Variants in LTBP1 observed in about 807,000 individuals in gnomAD.
LTBP1 encodes latent transforming growth factor beta binding protein 1.
LTBP1 carries 129 observed loss-of-function variants against 207.6 expected under a neutral mutation model. That is an observed-to-expected ratio of 0.62 (90% CI 0.54 to 0.72). The LOEUF (loss-of-function observed/expected upper bound fraction) is 0.72, where lower values mean the gene tolerates loss of function less well. Ranked by LOEUF, LTBP1 falls within the 30% of genes least tolerant of loss-of-function variation. The pLI, the probability that LTBP1 is intolerant of heterozygous loss-of-function variation, is 0.00. For missense variants in LTBP1, 2,281 were observed against 2,217.2 expected (o/e 1.03, Z -0.58); for synonymous variants, 963 against 833.7 (o/e 1.16, Z -2.67).
intron 2 of LTBP1, among the ~76,000 whole-genome samples, chr2:32,960,313 G>A (rs1395121897): frequency 6.6e-6 from 1 of 152,074 alleles, no homozygotes; most frequent in Non-Finnish European, 1.5e-5. Context: ...TGGCATTGCT[G>A]CTTGAATGTG....
chr2:33,274,376 TATG>T (rs998762482), intron 16 of LTBP1, among the ~76,000 whole-genome samples: 12 of 151,968 alleles, frequency 7.9e-5, no homozygotes, highest in African/African-American at 2.7e-4. Context: ...AGCACTAAAT[TATG>T]AGGCCAATAG....
chr2:33,090,388 A>T (rs1396290904), intron 3 of LTBP1, among the ~76,000 whole-genome samples: 2 of 152,144 alleles, frequency 1.3e-5, no homozygotes, highest in Admixed American at 6.5e-5. Context: ...GATGTATGGT[A>T]TGCCGAATCT....
chr2:33,021,582 CAG>C (rs978486357), intron 3 of LTBP1, among the ~76,000 whole-genome samples: 75 of 151,802 alleles, frequency 4.9e-4, no homozygotes, highest in African/African-American at 1.3e-3. Flanking sequence ...AAAAAAGAAA[CAG>C]TGTTATTTTT....
At chr2:33,107,115 G>C (rs1646141795) in intron 3 of LTBP1, among the ~76,000 whole-genome samples, 1 of 152,216 alleles carries the variant, frequency 6.6e-6, no homozygotes, top group African/African-American at 2.4e-5. Flanking sequence ...AATACATGTA[G>C]TGGCTTAAGA....
At chr2:33,307,750 C>T (rs1043057084) in intron 22 of LTBP1, among the ~76,000 whole-genome samples, 35 of 152,130 alleles carry the variant, frequency 2.3e-4, no homozygotes, top group Admixed American at 2.3e-3. Context: ...ATTCACATCA[C>T]CTGTGTTTTA....
intron 24 of LTBP1, among the ~76,000 whole-genome samples, chr2:33,321,976 A>G (rs1000161889): frequency 5.3e-5 from 8 of 152,320 alleles, no homozygotes; most frequent in African/African-American, 1.9e-4. Flanking sequence ...TGAATGTTTA[A>G]ATCATTAGGG....
At chr2:32,997,178 C>A (rs750634541) in intron 2 of LTBP1, among the ~76,000 whole-genome samples, 8 of 152,112 alleles carry the variant, frequency 5.3e-5, no homozygotes, top group Non-Finnish European at 1.2e-4. Flanking sequence ...AGCTACTGCA[C>A]CCGGCCTGGA....
At chr2:33,004,815 A>ATATATATATAT (rs1558501551) in intron 2 of LTBP1, among the ~76,000 whole-genome samples, 5 of 143,626 alleles carry the variant, frequency 3.5e-5, no homozygotes, top group Non-Finnish European at 7.6e-5. Context: ...ATATATATAT[A>ATATATATATAT]AACATAAAAT....
At chr2:33,334,913 T>TTA (rs2094537620) in intron 24 of LTBP1, among the ~76,000 whole-genome samples, 1 of 128,260 alleles carries the variant, frequency 7.8e-6, no homozygotes, top group Non-Finnish European at 1.7e-5. Flanking sequence ...TACTAAAAAT[T>TTA]AAAAAAAAAA....
chr2:33,092,636 A>G (rs1376991509), intron 3 of LTBP1, among the ~76,000 whole-genome samples: 1 of 53,776 alleles, frequency 1.9e-5, no homozygotes, highest in East Asian at 7.6e-3. Flanking sequence ...AGGATGTTTC[A>G]TAGGTGGAAT....
At chr2:33,382,966 C>T (rs1443137757) in intron 31 of LTBP1, among the ~76,000 whole-genome samples, 2 of 152,228 alleles carry the variant, frequency 1.3e-5, no homozygotes, top group Non-Finnish European at 1.5e-5. Flanking sequence ...CCAAGGAGGT[C>T]TCTCTTCCAC....
chr2:33,115,582 C>T (rs960889536), intron 4 of LTBP1, among the ~76,000 whole-genome samples: 13 of 152,042 alleles, frequency 8.6e-5, no homozygotes, highest in Non-Finnish European at 1.8e-4. Context: ...AGTTTCAGCT[C>T]CAAGGAATTG....
At position 33,252,994 on chromosome 2, in the gene LTBP1, A is replaced by G. The variant is rs1404575825; in HGVS notation, c.2167+150A>G. 8 of 587,870 alleles carry G rather than the reference A, an allele frequency of 1.4e-5. 1 individual carries two copies. Among genetic ancestry groups the G allele is most frequent in the South Asian group, 1.2e-4 (2 of 16,306 alleles). The allele number at this position is 587,870 out of a possible 1,614,324, so 36.4% of individuals were successfully genotyped here. A position where few individuals can be genotyped will look rare whatever the true frequency, so the allele number is the denominator to read the frequency against. On this transcript the variant is annotated intron_variant, in intron 11 of 33. Coordinates refer to ENST00000404816, the MANE Select transcript of LTBP1 (RefSeq NM_206943.4). ...AATCACCTTTGTAGAAACTGTACAC[A>G]TACAATGTTGAATCAGTGGGAAAAA... is the stretch of plus-strand genomic sequence containing the variant.
At chr2:33,177,572 G>A (rs563604289) in intron 5 of LTBP1, among the ~76,000 whole-genome samples, 1 of 152,282 alleles carries the variant, frequency 6.6e-6, no homozygotes, top group East Asian at 1.9e-4. Context: ...GGATGCTGAG[G>A]CAGGAGAATG....
chr2:33,000,775 C>G (rs1294165093), intron 2 of LTBP1, among the ~76,000 whole-genome samples: 1 of 134,014 alleles, frequency 7.5e-6, no homozygotes, highest in African/African-American at 2.6e-5. Flanking sequence ...ACTGTGTTCT[C>G]AGAAACCCTT....
intron 26 of LTBP1, among the ~76,000 whole-genome samples, chr2:33,356,297 A>G (rs1210941322): frequency 6.6e-6 from 1 of 152,194 alleles, no homozygotes; most frequent in Non-Finnish European, 1.5e-5. Flanking sequence ...GGTGAGTTTC[A>G]GTTCTTTGAT....
chr2:33,137,857 T>C (rs2082269456), intron 5 of LTBP1, among the ~76,000 whole-genome samples: 2 of 152,196 alleles, frequency 1.3e-5, no homozygotes, highest in African/African-American at 4.8e-5. Context: ...GATATCCTTA[T>C]GCCATCTGTT....
Position 33,280,138 on chromosome 2 carries a change from G to C in LTBP1, c.3092G>C (p.Gly1031Ala). Residue 1031 changes from glycine (G) to alanine (A), a missense_variant, in exon 19 of 34, where the codon GGC (glycine) becomes GCC (alanine). By Grantham distance (60) the Gly-to-Ala change is moderately conservative. Transcript: ENST00000404816. ...GTTCCCTGCACAGAAGGATTCCGAGGCTGGAATGGACAGTGCCTTGGTAGG... is the reference window on the plus strand; with the variant it reads ...GTTCCCTGCACAGAAGGATTCCGAGCCTGGAATGGACAGTGCCTTGGTAGG... ...QCVPCTEGFR[G>A]WNGQCLDVDE... The C allele has an allele frequency of 6.2e-7, 1 of 1,614,106 alleles. No individual in the cohort carries two copies. The highest frequency in any genetic ancestry group is 8.5e-7 in the Non-Finnish European group (1 of 1,179,980).
intron 3 of LTBP1, among the ~76,000 whole-genome samples, chr2:33,082,692 C>T (rs572730804): frequency 3.9e-5 from 6 of 152,016 alleles, no homozygotes; most frequent in African/African-American, 7.2e-5. Context: ...CCCAAAGTGC[C>T]GGGATTACAG....
Sources: allele counts gnomAD v4.1 joint callset (sites outside exome capture counted in the v4.1 genomes callset), GRCh38; gene constraint gnomAD v4.1.1; transcripts MANE v1.5; gene names NCBI Gene and HGNC (gene_info 2026-07-23, HGNC 2026-07-21).